The following HLA-DPA1 variants were observed in gnomAD, a reference collection of about 807,000 sequenced individuals.
HLA-DPA1 encodes the protein HLA class II histocompatibility antigen, DP alpha 1 chain.
A neutral mutation model predicts 21.5 loss-of-function variants in HLA-DPA1; 20 were observed. The observed-to-expected ratio is 0.93, with a 90% CI of 0.66 to 1.35. The LOEUF (loss-of-function observed/expected upper bound fraction) is 1.35. Among genes scored for constraint, HLA-DPA1 ranks in the 40% most tolerant of loss-of-function variants. The pLI is 0.00. For missense variants in HLA-DPA1, 279 were observed against 323.0 expected, an observed-to-expected ratio of 0.86 and a Z score of 1.05; for synonymous variants, 123 against 129.6, an observed-to-expected ratio of 0.95 and a Z score of 0.35.
chr6:33,080,533 C>A lies in HLA-DPA1; in HGVS notation c.-100+147G>T. 8.0e-7 allele frequency: 1 copy of A among 1,253,084 alleles called. No homozygotes were observed. Among genetic ancestry groups the A allele is most frequent in the Non-Finnish European group, 1.1e-6 (1 of 874,148 alleles). 77.6% of individuals were successfully genotyped at this position (1,253,084 alleles called of 1,614,324 possible). ...GCGACCCGCTTAGGACCACAGAACT[C>A]GGTACTAGGAAAACTCCTATTTTAA... On this transcript the variant is annotated intron_variant, in intron 1 of 5. Transcript: ENST00000419277. The surrounding 1 kb of genome is among the most constrained non-coding windows in gnomAD (Gnocchi z 4.3).
chr6:33,073,715 C>G (rs1180184361), intron 1 of HLA-DPA1, 66 bp from the exon 1 acceptor site: 3 of 615,442 alleles, frequency 4.9e-6, no homozygotes, highest in Non-Finnish European at 8.7e-6. Context: ...ATTCACCTAT[C>G]AGAGAAATCA....
At chr6:33,067,699 T>A (rs932916544) in intron 5 of HLA-DPA1, 3 of 152,198 alleles carry the variant, frequency 2.0e-5, no homozygotes, top group Non-Finnish European at 2.9e-5. Flanking sequence ...TTTTGGTTAA[T>A]TAAAAATACA....
chr6:33,075,917 A>C, intron 1 of HLA-DPA1: 1 of 682,084 alleles, frequency 1.5e-6, no homozygotes, highest in South Asian at 1.9e-5. Flanking sequence ...GACTCTGTCC[A>C]ATCCCAGGGT....
At chr6:33,066,560 C>T (rs1165509502) in intron 5 of HLA-DPA1, 2 of 152,186 alleles carry the variant, frequency 1.3e-5, no homozygotes, top group African/African-American at 4.8e-5. Flanking sequence ...AACAAAAATA[C>T]AGTTGATGGA....
Position 33,075,890 on chromosome 6 carries a change from C to T in HLA-DPA1, c.-99-2221G>A, listed in dbSNP as rs146784159. The stretch of plus-strand genomic sequence containing the variant: ...AATGACTCATACAAAGCTCAGTGTC[C>T]ATTGGTTCTTTTCTCAGACTCTGTC... On this transcript the variant is annotated intron_variant, in intron 1 of 5. Coordinates refer to ENST00000419277, the Ensembl canonical transcript of HLA-DPA1. 2.1e-3 allele frequency: 1,284 copies of T among 617,444 alleles called. 12 individuals carry two copies. The highest frequency in any genetic ancestry group is 0.011 in the East Asian group (403 of 36,308). The allele number at this position is 617,444 out of a possible 1,614,324, so 38.2% of individuals were successfully genotyped here.
chr6:33,069,478 A>G, intron 3 of HLA-DPA1, 163 bp downstream of exon 2: 1 of 1,066,386 alleles, frequency 9.4e-7, no homozygotes, highest in Non-Finnish European at 1.4e-6. Flanking sequence ...TCTCCTGAGA[A>G]GAGAGGATGC....
At chr6:33,069,456 CT>C in intron 3 of HLA-DPA1, 156 bp from the exon 3 acceptor site, 4 of 1,018,294 alleles carry the variant, frequency 3.9e-6, no homozygotes, top group Non-Finnish European at 5.8e-6. Context: ...CCTCACTCTG[CT>C]CACCTTTCTC....
chr6:33,067,508 G>A (rs199989840), intron 5 of HLA-DPA1: 43,948 of 151,930 alleles, frequency 0.29, 8,388 homozygotes, highest in East Asian at 0.69. Context: ...GCCATGTTTC[G>A]CGTACAGCCT....
chr6:33,065,891 G>GCTC (rs1761932318), intron 5 of HLA-DPA1: 1 of 151,730 alleles, frequency 6.6e-6, no homozygotes, highest in African/African-American at 2.4e-5. Flanking sequence ...CTGCTTCTCT[G>GCTC]CTTCTCCATT....
chr6:33,074,577 G>T (rs1177042361), intron 1 of HLA-DPA1, among the ~76,000 whole-genome samples: 1 of 152,114 alleles, frequency 6.6e-6, no homozygotes, highest in East Asian at 1.9e-4. Flanking sequence ...TTAATGTAAT[G>T]ATGAAGTACA....
rs201955397 is a variant in HLA-DPA1, at chr6:33,072,507, GTGT to G, written c.100+961_100+963del. 3.6e-3 allele frequency among the ~76,000 whole-genome samples: 542 copies of G among 152,294 alleles called. 3 individuals carry two copies. The highest frequency in any genetic ancestry group is 0.026 in the East Asian group (133 of 5,194). On this transcript the variant is annotated intron_variant, in intron 2 of 5. Coordinates refer to ENST00000419277, the Ensembl canonical transcript of HLA-DPA1. ...CATCTATGAAGAGAAGCCTATTGTG[GTGT>G]TTATTATAACATAACATTAGAAATA...
chr6:33,069,531 A>C, intron 3 of HLA-DPA1, 110 bp downstream of exon 2: 1 of 1,350,906 alleles, frequency 7.4e-7, no homozygotes, highest in Non-Finnish European at 1.0e-6. Context: ...CACTAGGGGA[A>C]GAGGATCACA....
At chr6:33,067,182 G>C (rs1762000367) in intron 5 of HLA-DPA1, 1 of 152,198 alleles carries the variant, frequency 6.6e-6, no homozygotes, top group African/African-American at 2.4e-5. Context: ...GAGCAATGTA[G>C]ATATGTGGAT....
exon 3 of HLA-DPA1, chr6:33,069,845 T>C: frequency 6.2e-7 from 1 of 1,610,244 alleles, no homozygotes; most frequent in Non-Finnish European, 8.5e-7. Flanking sequence ...CCTGTTGGTC[T>C]ATGCGTCTGT....
rs185836554 is a variant in HLA-DPA1 at position 33,071,530 on chromosome 6, C to A, written c.101-1644G>T. Reference sequence around the variant, plus strand: ...AACAGATTATTTTTCTTCAAAATATCATTTCCATTCAGACAAAAATATGTA... The same window carrying A: ...AACAGATTATTTTTCTTCAAAATATAATTTCCATTCAGACAAAAATATGTA... On this transcript the variant is annotated intron_variant, in intron 2 of 5. Transcript: ENST00000419277. Among the ~76,000 whole-genome samples, 472 of 152,192 alleles carry A rather than the reference C, an allele frequency of 3.1e-3. 2 individuals are homozygous for A. The highest frequency in any genetic ancestry group is 0.023 in the East Asian group (119 of 5,166).
chr6:33,065,825 C>T (rs927500881), intron 5 of HLA-DPA1: 1 of 134,020 alleles, frequency 7.5e-6, no homozygotes, highest in Admixed American at 7.1e-5. Context: ...AGTACTTCCT[C>T]CTTCCTGAAT....
At chr6:33,066,302 A>G (rs68141899) in intron 5 of HLA-DPA1, 43,975 of 152,018 alleles carry the variant, frequency 0.29, 8,403 homozygotes, top group East Asian at 0.69. Flanking sequence ...AGGCCCACCT[A>G]TAATGGGAGC....
chr6:33,069,296 G>C, exon 4 of HLA-DPA1: 1 of 1,611,946 alleles, frequency 6.2e-7, no homozygotes, highest in South Asian at 1.1e-5. Flanking sequence ...TCACCTCAGG[G>C]GGATCTGGAA....
At chr6:33,067,452 C>A (rs1290592493) in intron 5 of HLA-DPA1, 2 of 152,202 alleles carry the variant, frequency 1.3e-5, no homozygotes, top group African/African-American at 4.8e-5. Flanking sequence ...TGCCTTCCAC[C>A]ATGAGTAAAA....
Sources: allele counts gnomAD v4.1 joint callset (sites outside exome capture counted in the v4.1 genomes callset), GRCh38; gene constraint gnomAD v4.1.1; non-coding constraint Gnocchi (gnomAD v3.1); transcripts MANE v1.5; gene names NCBI Gene and HGNC (gene_info 2026-07-23, HGNC 2026-07-21).